Variants in INTU observed in about 807,000 individuals in gnomAD.
INTU encodes the protein protein inturned.
Under a neutral mutation model 100.5 loss-of-function variants are expected in INTU, and 68 were observed. That is an observed-to-expected ratio of 0.68 (90% CI 0.56 to 0.83). The LOEUF is 0.83. Among genes scored for constraint, INTU ranks in the 40% least tolerant of loss-of-function variants. INTU has a pLI of 0.00. For missense variants in INTU, 1,071 were observed against 1,114.7 expected (o/e 0.96, Z 0.56); for synonymous variants, 357 against 395.7 (o/e 0.90, Z 1.16).
chr4:127,689,415 T>C (rs1169214792), intron 8 of INTU, among the ~76,000 whole-genome samples: 1 of 152,156 alleles, frequency 6.6e-6, no homozygotes, highest in African/African-American at 2.4e-5. Flanking sequence ...TTTGGGAGAC[T>C]GAGGTGGGAG....
intron 2 of INTU, among the ~76,000 whole-genome samples, chr4:127,651,490 G>T (rs1315180887): frequency 2.0e-5 from 3 of 152,170 alleles, no homozygotes; most frequent in East Asian, 1.9e-4. Flanking sequence ...TTTCCCCATT[G>T]CTTGTTTTTC....
At chr4:127,658,919 T>C (rs963834914) in intron 3 of INTU, among the ~76,000 whole-genome samples, 1 of 152,118 alleles carries the variant, frequency 6.6e-6, no homozygotes, top group African/African-American at 2.4e-5. Context: ...GCCCTGAGCT[T>C]GTATTCCTGC....
chr4:127,672,467 C>CTTTTTTTTTTTTTTTGTTTTTTTT (rs1728973582), intron 5 of INTU, among the ~76,000 whole-genome samples: 1 of 115,240 alleles, frequency 8.7e-6, no homozygotes. Flanking sequence ...TGCGGTGTTG[C>CTTTTTTTTTTTTTTTGTTTTTTTT]TTTTTTTTTT....
rs879083797 is a variant in INTU at position 127,719,749 on chromosome 4, G to A, written c.*3313G>A. ...TCCAGGAATTTATCCATTTCTTCTA[G>A]ATTTTCGAGTTTATTTGCACCGAGC... On this transcript the variant is annotated 3_prime_UTR_variant, in exon 16 of 16. Coordinates refer to ENST00000335251, the MANE Select transcript of INTU (RefSeq NM_015693.4). 1 of 152,112 alleles carries A rather than the reference G, an allele frequency of 6.6e-6. No individual in the cohort carries two copies. Among genetic ancestry groups the A allele is most frequent in the Non-Finnish European group, 1.5e-5 (1 of 68,026 alleles). The allele number at this position is 152,112 out of a possible 1,614,324, so 9.4% of individuals were successfully genotyped here. A position where few individuals can be genotyped will look rare whatever the true frequency, so the allele number is the denominator to read the frequency against.
At chr4:127,647,284 G>C (rs1727633195) in intron 2 of INTU, among the ~76,000 whole-genome samples, 1 of 152,126 alleles carries the variant, frequency 6.6e-6, no homozygotes, top group South Asian at 2.1e-4. Context: ...AATCTAAAAT[G>C]GGTCTTCTTG....
At chr4:127,633,296 A>G in intron 1 of INTU, 116 bp downstream of exon 1, 2 of 1,059,346 alleles carry the variant, frequency 1.9e-6, no homozygotes, top group East Asian at 5.0e-5. Flanking sequence ...TTGGGGTTCT[A>G]TAATAAGTGG....
At chr4:127,658,689 T>C (rs1171279572) in intron 3 of INTU, among the ~76,000 whole-genome samples, 2 of 152,174 alleles carry the variant, frequency 1.3e-5, no homozygotes, top group Non-Finnish European at 2.9e-5. Context: ...AATCACATTA[T>C]ACTTATATTT....
rs1465313865 is a variant in INTU at position 127,683,518 on chromosome 4, C to G, written c.1182-891C>G. On this transcript the variant is annotated intron_variant, in intron 6 of 15. Coordinates refer to ENST00000335251, the MANE Select transcript of INTU (RefSeq NM_015693.4). ...GTGCTTTGTAATTGAACTCACAGCCCTGGGATTTTCTCCTCGTCCATCTCA... is the reference window on the plus strand; with the variant it reads ...GTGCTTTGTAATTGAACTCACAGCCGTGGGATTTTCTCCTCGTCCATCTCA... Among the ~76,000 whole-genome samples the G allele has an allele frequency of 5.3e-5, 8 of 152,270 alleles. No individual in the cohort carries two copies. The East Asian group carries it at 1.5e-3, about 29-fold the overall frequency.
intron 6 of INTU, among the ~76,000 whole-genome samples, chr4:127,683,247 C>T (rs1387163282): frequency 2.6e-5 from 4 of 152,132 alleles, no homozygotes; most frequent in Non-Finnish European, 4.4e-5. Flanking sequence ...TTGAAGATCC[C>T]CTTTATTCTC....
At chr4:127,709,007 A>C (rs1488249085) in intron 13 of INTU, among the ~76,000 whole-genome samples, 4 of 152,276 alleles carry the variant, frequency 2.6e-5, no homozygotes, top group African/African-American at 9.6e-5. Context: ...TGTGCTGTCC[A>C]GTTACACCTT....
chr4:127,644,149 A>T (rs1211968831), intron 2 of INTU, 93 bp downstream of exon 2: 1 of 1,267,466 alleles, frequency 7.9e-7, no homozygotes, highest in Non-Finnish European at 1.1e-6. Flanking sequence ...AATTATATAC[A>T]GTCTCCACAG....
chr4:127,665,697 T>C lies in INTU; in HGVS notation c.972+2113T>C, dbSNP rs546678052. Among the ~76,000 whole-genome samples the C allele has an allele frequency of 1.8e-4, 28 of 152,258 alleles. No individual in the cohort carries two copies. In the South Asian group the frequency reaches 4.8e-3, roughly 26 times the overall value. ...AGTGTTCCTATTATTCCCAAGGGCT[T>C]AGGAGTCCTCTGTTAGATCCTTTGC... is the stretch of plus-strand genomic sequence containing the variant. On this transcript the variant is annotated intron_variant, in intron 4 of 15. Transcript: ENST00000335251.
rs150409087 is a variant in INTU at position 127,711,801 on chromosome 4, G to T, written c.2559+699G>T. Among the ~76,000 whole-genome samples, 231 of 152,308 alleles carry T rather than the reference G, an allele frequency of 1.5e-3. 1 individual carries two copies. The highest frequency in any genetic ancestry group is 5.4e-3 in the African/African-American group (226 of 41,566). ...GAAATTGGTCTCCAATGCCAGAAAGGTTGGGGACTGCTGGGTTAAGGTACA... is the reference window on the plus strand; with the variant it reads ...GAAATTGGTCTCCAATGCCAGAAAGTTTGGGGACTGCTGGGTTAAGGTACA... On this transcript the variant is annotated intron_variant, in intron 14 of 15. Transcript: ENST00000335251.
At chr4:127,681,447 C>T (rs1022276901) in intron 6 of INTU, among the ~76,000 whole-genome samples, 1 of 152,060 alleles carries the variant, frequency 6.6e-6, no homozygotes, top group Non-Finnish European at 1.5e-5. Context: ...GAAATAATGC[C>T]TCATATCTAC....
intron 5 of INTU, among the ~76,000 whole-genome samples, chr4:127,672,562 G>T (rs1728979850): frequency 6.6e-6 from 1 of 151,140 alleles, no homozygotes; most frequent in Non-Finnish European, 1.5e-5. Context: ...TGAGATATGG[G>T]TTAATTGTGG....
At chr4:127,664,141 T>A (rs1728596023) in intron 4 of INTU, among the ~76,000 whole-genome samples, 1 of 152,122 alleles carries the variant, frequency 6.6e-6, no homozygotes, top group Non-Finnish European at 1.5e-5. Flanking sequence ...AGTTTTTATG[T>A]TTTACATATT....
At chr4:127,683,734 G>A (rs1729690214) in intron 6 of INTU, 2 of 152,194 alleles carry the variant, frequency 1.3e-5, no homozygotes, top group Admixed American at 6.6e-5. Context: ...GTGGGGTAGT[G>A]GGAGAATAAC....
chr4:127,661,063 G>T (rs1265896242), intron 3 of INTU, among the ~76,000 whole-genome samples: 3 of 152,050 alleles, frequency 2.0e-5, no homozygotes, highest in African/African-American at 7.2e-5. Flanking sequence ...AATTTTATTT[G>T]TATTATGGAG....
Position 127,725,405 on chromosome 4 carries a change from C to CAT in INTU, c.*8976_*8977dup, listed in dbSNP as rs1307317742. ...CTGCTGTCTTAGGACTGCTTATTTACATATATATGTATTAAGACACTTTGG... is the reference window on the plus strand; with the variant it reads ...CTGCTGTCTTAGGACTGCTTATTTACATATATATATGTATTAAGACACTTTGG... On this transcript the variant is annotated 3_prime_UTR_variant, in exon 16 of 16. Coordinates refer to ENST00000335251, the MANE Select transcript of INTU (RefSeq NM_015693.4). 2 of 152,214 alleles carry CAT rather than the reference C, an allele frequency of 1.3e-5. No homozygotes were observed. The highest frequency in any genetic ancestry group is 4.8e-5 in the African/African-American group (2 of 41,454). 9.4% of individuals were successfully genotyped at this position (152,214 alleles called of 1,614,324 possible).
Sources: gnomAD v4.1 joint callset for allele counts (sites outside exome capture counted in the v4.1 genomes callset) on GRCh38, gnomAD v4.1.1 for gene constraint, MANE v1.5 for transcripts, NCBI Gene and HGNC (gene_info 2026-07-23, HGNC 2026-07-21) for gene names.